Variants in UBN2 observed in about 807,000 individuals in gnomAD.
The protein encoded by UBN2 is ubinuclein 2, also known as ubinuclein-2.
A neutral mutation model predicts 120.2 loss-of-function variants in UBN2; 35 were observed. The observed-to-expected ratio is 0.29, with a 90% CI of 0.22 to 0.39. The LOEUF is 0.39. Among genes scored for constraint, UBN2 ranks in the 10% least tolerant of loss-of-function variants. The pLI, the probability that UBN2 is intolerant of heterozygous loss-of-function variation, is 1.00. For missense variants in UBN2, 1,693 were observed against 1,663.2 expected, an observed-to-expected ratio of 1.02 and a Z score of -0.31; for synonymous variants, 661 against 648.7, an observed-to-expected ratio of 1.02 and a Z score of -0.29.
intron 1 of UBN2, among the ~76,000 whole-genome samples, chr7:139,236,734 C>CTTT (rs901816567): frequency 7.0e-6 from 1 of 143,574 alleles, no homozygotes. Context: ...TATGAACCAA[C>CTTT]TTTTTTTTTT....
intron 2 of UBN2, among the ~76,000 whole-genome samples, chr7:139,239,109 A>T (rs199540625): frequency 6.6e-6 from 1 of 152,210 alleles, no homozygotes; most frequent in East Asian, 1.9e-4. Flanking sequence ...TTCCTAGGCA[A>T]GTAACACTCC....
At position 139,304,809 on chromosome 7, in the gene UBN2, T is replaced by C. The variant is rs1798331058; in HGVS notation, c.*6973T>C. 1 of 151,966 alleles carries C rather than the reference T, an allele frequency of 6.6e-6. No homozygotes were observed. Among genetic ancestry groups the C allele is most frequent in the Admixed American group, 6.6e-5 (1 of 15,226 alleles). The allele number at this position is 151,966 out of a possible 1,614,324, so 9.4% of individuals were successfully genotyped here. A position where few individuals can be genotyped will look rare whatever the true frequency, so the allele number is the denominator to read the frequency against. ...GCCTTAGTAGCCTCTAAATATCAACTATGCAGATAAACATACTCCTTTTTT... is the reference window on the plus strand; with the variant it reads ...GCCTTAGTAGCCTCTAAATATCAACCATGCAGATAAACATACTCCTTTTTT... On this transcript the variant is annotated 3_prime_UTR_variant, in exon 18 of 18. Coordinates refer to ENST00000473989, the MANE Select transcript of UBN2 (RefSeq NM_173569.4).
intron 17 of UBN2, among the ~76,000 whole-genome samples, chr7:139,296,154 G>A (rs1317158181): frequency 6.6e-6 from 1 of 152,190 alleles, no homozygotes; most frequent in African/African-American, 2.4e-5. Context: ...GGCACCTGGT[G>A]CATAGTAAGA....
At chr7:139,293,702 T>C in intron 16 of UBN2, 187 bp from the exon 17 acceptor site, 1 of 646,392 alleles carries the variant, frequency 1.5e-6, no homozygotes, top group East Asian at 2.7e-5. Context: ...TAAGAGGAAG[T>C]CAGTTGTGTT....
rs1221595319 is a variant in UBN2 at position 139,297,853 on chromosome 7, G to A, written c.*17G>A. 1.9e-6 allele frequency: 3 copies of A among 1,614,010 alleles called. No homozygotes were observed. Among genetic ancestry groups the A allele is most frequent in the Non-Finnish European group, 2.5e-6 (3 of 1,179,914 alleles). ...TCTCAGTGACTGCCCAGCAAGCAAA[G>A]GAGACGAAATGTTTAGTTGACTGAT... is the stretch of plus-strand genomic sequence containing the variant. On this transcript the variant is annotated 3_prime_UTR_variant, in exon 18 of 18. Coordinates refer to ENST00000473989, the MANE Select transcript of UBN2 (RefSeq NM_173569.4).
chr7:139,279,972 T>G (rs1383610839), intron 13 of UBN2, among the ~76,000 whole-genome samples: 2 of 152,214 alleles, frequency 1.3e-5, no homozygotes, highest in African/African-American at 4.8e-5. Context: ...ATGTCCTTGC[T>G]GAAAAATTTT....
the UBN2 span, among the ~76,000 whole-genome samples, chr7:139,319,882 C>T: frequency 2.6e-5 from 4 of 152,110 alleles, no homozygotes; most frequent in South Asian, 2.1e-4. Flanking sequence ...GGCGACCATC[C>T]TGGCTAACAT....
At chr7:139,268,959 T>G (rs776529605) in intron 7 of UBN2, among the ~76,000 whole-genome samples, 1 of 152,190 alleles carries the variant, frequency 6.6e-6, no homozygotes. Context: ...TCCCACACTT[T>G]GGGATCAAAG....
the UBN2 span, among the ~76,000 whole-genome samples, chr7:139,316,113 TC>T: frequency 4.4e-5 from 5 of 112,804 alleles, no homozygotes; most frequent in African/African-American, 2.0e-4. Context: ...AAAAAGGGGT[TC>T]CAGTTCTTCT....
chr7:139,247,557 A>C (rs1796503836), intron 2 of UBN2, among the ~76,000 whole-genome samples: 1 of 152,212 alleles, frequency 6.6e-6, no homozygotes, highest in African/African-American at 2.4e-5. Context: ...TAGATAAGTT[A>C]CTTGTCCTTT....
At chr7:139,272,805 G>A (rs1230803745) in intron 9 of UBN2, among the ~76,000 whole-genome samples, 2 of 152,226 alleles carry the variant, frequency 1.3e-5, no homozygotes, top group African/African-American at 4.8e-5. Flanking sequence ...GGGATTACAG[G>A]CGTGGGCCAC....
rs780383097 is a variant in UBN2, at chr7:139,293,968, G to C, written c.3981G>C (p.Gln1327His). 3.1e-6 allele frequency: 5 copies of C among 1,614,098 alleles called. No individual in the cohort carries two copies. In the South Asian group the frequency reaches 5.5e-5, roughly 18 times the overall value. Residue 1327 changes from glutamine to histidine, a missense_variant, in exon 17 of 18, where the codon CAG (glutamine) becomes CAC (histidine). Physicochemically the swap from Gln to His is conservative, Grantham distance 24. Transcript: ENST00000473989. ...ACTCACCTCTGCCTGCACACTTACAGCAAGCATTTCACGGTGAGAACGCCA... is the reference window on the plus strand; with the variant it reads ...ACTCACCTCTGCCTGCACACTTACACCAAGCATTTCACGGTGAGAACGCCA... ...LSHSPLPAHL[Q>H]QAFHDGGQSK...
intron 9 of UBN2, 35 bp downstream of exon 9, chr7:139,272,475 T>C: frequency 6.7e-7 from 1 of 1,501,532 alleles, no homozygotes; most frequent in African/African-American, 1.4e-5. Flanking sequence ...GGCTTTTGCA[T>C]TTGAGAAGTG....
intron 17 of UBN2, among the ~76,000 whole-genome samples, chr7:139,295,388 CT>C (rs767160111): frequency 4.6e-5 from 7 of 152,170 alleles, no homozygotes; most frequent in Admixed American, 2.6e-4. Context: ...ATGTCCCCCC[CT>C]GGGTGTAGAC....
At chr7:139,258,050 G>A (rs889576691) in intron 3 of UBN2, among the ~76,000 whole-genome samples, 3 of 152,244 alleles carry the variant, frequency 2.0e-5, no homozygotes, top group Non-Finnish European at 4.4e-5. Flanking sequence ...GATTATAGGC[G>A]TGAGCCACCG....
intron 6 of UBN2, among the ~76,000 whole-genome samples, chr7:139,265,889 A>G (rs1273184048): frequency 1.3e-5 from 2 of 152,036 alleles, no homozygotes; most frequent in Non-Finnish European, 2.9e-5. Context: ...TTGACTTTGG[A>G]CTTTGGACTG....
At chr7:139,313,556 A>G in the UBN2 span, among the ~76,000 whole-genome samples, 1 of 152,110 alleles carries the variant, frequency 6.6e-6, no homozygotes, top group African/African-American at 2.4e-5. Context: ...TCCTCTTTCA[A>G]TTTCACATTT....
chr7:139,313,376 A>G, the UBN2 span, among the ~76,000 whole-genome samples: 1 of 152,048 alleles, frequency 6.6e-6, no homozygotes, highest in South Asian at 2.1e-4. Flanking sequence ...ATTGTATCTT[A>G]TTCTTTGTTT....
the UBN2 span, among the ~76,000 whole-genome samples, chr7:139,319,283 A>G: frequency 3.3e-5 from 5 of 152,060 alleles, no homozygotes; most frequent in African/African-American, 1.2e-4. Context: ...GGGTTTCGCC[A>G]TGTTGGCCAG....
Sources: allele counts gnomAD v4.1 joint callset (sites outside exome capture counted in the v4.1 genomes callset), GRCh38; gene constraint gnomAD v4.1.1; transcripts MANE v1.5; gene names NCBI Gene and HGNC (gene_info 2026-07-23, HGNC 2026-07-21).